The following CSMD1 variants were observed in gnomAD, a reference collection of about 807,000 sequenced individuals.
CSMD1 encodes the protein CUB and sushi domain-containing protein 1.
CSMD1 carries 213 observed loss-of-function variants against 417.5 expected under a neutral mutation model. That is an observed-to-expected ratio of 0.51 (90% CI 0.46 to 0.57). The LOEUF is 0.57. Among genes scored for constraint, CSMD1 ranks in the 20% least tolerant of loss-of-function variants. The probability of loss-of-function intolerance (pLI) is 0.00; values close to 1 mark genes in which losing one functional copy is unlikely to be tolerated. For missense variants in CSMD1, 6,923 were observed against 4,529.7 expected (o/e 1.53, Z -15.17); for synonymous variants, 2,862 against 1,736.8 (o/e 1.65, Z -16.11).
intron 68 of CSMD1, 96 bp downstream of exon 68, chr8:2,949,203 G>T: frequency 1.5e-6 from 1 of 675,870 alleles, no homozygotes; most frequent in South Asian, 1.8e-5. Flanking sequence ...TTTTGTTTAG[G>T]TTTCTTTTAG....
chr8:4,613,432 T>A (rs772666517), intron 2 of CSMD1, among the ~76,000 whole-genome samples: 1 of 152,160 alleles, frequency 6.6e-6, no homozygotes, highest in African/African-American at 2.4e-5. Context: ...TGAACTAGGT[T>A]AGTTGCCTCC....
chr8:3,880,402 A>G (rs1485085565), intron 5 of CSMD1, among the ~76,000 whole-genome samples: 2 of 152,214 alleles, frequency 1.3e-5, no homozygotes, highest in Non-Finnish European at 2.9e-5. Context: ...CTGCCTCATG[A>G]CCAAATTAGC....
At chr8:4,038,423 A>G (rs1172787077) in intron 3 of CSMD1, among the ~76,000 whole-genome samples, 1 of 152,200 alleles carries the variant, frequency 6.6e-6, no homozygotes, top group East Asian at 1.9e-4. Context: ...GATTCAAGAC[A>G]CACACAGACA....
chr8:4,117,951 G>A (rs5019951), intron 3 of CSMD1, among the ~76,000 whole-genome samples: 142,228 of 145,184 alleles, frequency 0.98, 69,669 homozygotes, highest in East Asian at 1. Flanking sequence ...AAGTCAATAG[G>A]AAAAAAAAAA....
intron 3 of CSMD1, among the ~76,000 whole-genome samples, chr8:4,066,891 G>A (rs551252392): frequency 3.0e-4 from 45 of 152,284 alleles, no homozygotes; most frequent in Non-Finnish European, 4.7e-4. Context: ...CAGAACAAAC[G>A]TAACTATAAC....
At chr8:3,583,887 A>C (rs112488560) in intron 9 of CSMD1, among the ~76,000 whole-genome samples, 31 of 151,780 alleles carry the variant, frequency 2.0e-4, no homozygotes, top group African/African-American at 7.0e-4. Flanking sequence ...CAACTGATGC[A>C]ACTAGATAGA....
chr8:4,342,096 T>A (rs989580240), intron 3 of CSMD1, among the ~76,000 whole-genome samples: 1 of 152,080 alleles, frequency 6.6e-6, no homozygotes, highest in Admixed American at 6.6e-5. Context: ...GCCATCTCTA[T>A]GTTTCCATGG....
chr8:4,320,110 T>C (rs1799183890), intron 3 of CSMD1, among the ~76,000 whole-genome samples: 1 of 152,318 alleles, frequency 6.6e-6, no homozygotes, highest in Non-Finnish European at 1.5e-5. Flanking sequence ...AATCCAACCC[T>C]TTGCAAGTAA....
intron 5 of CSMD1, among the ~76,000 whole-genome samples, chr8:3,853,894 CTTT>C (rs1563147042): frequency 5.6e-4 from 82 of 145,268 alleles, no homozygotes; most frequent in African/African-American, 1.9e-3. Context: ...ATATATTATA[CTTT>C]AATATATTAA....
chr8:3,006,844 A>G lies in CSMD1; in HGVS notation c.8030-6713T>C, dbSNP rs1807950070. Reference sequence around the variant, plus strand: ...CCTAGAAGAAAACCTAGGCATTACCATTCAGGACATAGGCATGGGCAAAGA... The same window carrying G: ...CCTAGAAGAAAACCTAGGCATTACCGTTCAGGACATAGGCATGGGCAAAGA... On this transcript the variant is annotated intron_variant, in intron 52 of 69. Coordinates refer to ENST00000635120, the MANE Select transcript of CSMD1 (RefSeq NM_033225.6). Among the ~76,000 whole-genome samples, 9 of 146,266 alleles carry G rather than the reference A, an allele frequency of 6.2e-5. No individual in the cohort carries two copies. In the South Asian group the frequency reaches 1.7e-3, roughly 27 times the overall value.
intron 3 of CSMD1, among the ~76,000 whole-genome samples, chr8:4,253,024 G>A (rs1453004051): frequency 2.0e-5 from 3 of 152,190 alleles, no homozygotes; most frequent in Non-Finnish European, 2.9e-5. Context: ...ACCAGCAGCT[G>A]AACAAAATTT....
intron 3 of CSMD1, among the ~76,000 whole-genome samples, chr8:4,051,762 G>T (rs549800425): frequency 1.3e-5 from 2 of 152,124 alleles, no homozygotes; most frequent in Non-Finnish European, 2.9e-5. Flanking sequence ...TGCTGGTTTT[G>T]GTAGGGCTCC....
chr8:3,314,465 C>T (rs529487241), intron 23 of CSMD1, among the ~76,000 whole-genome samples: 11 of 152,148 alleles, frequency 7.2e-5, no homozygotes, highest in Non-Finnish European at 1.5e-4. Flanking sequence ...GGCACAAATA[C>T]TGGTTCTGTA....
intron 5 of CSMD1, among the ~76,000 whole-genome samples, chr8:3,932,929 A>T (rs557719300): frequency 6.6e-6 from 1 of 150,430 alleles, no homozygotes; most frequent in South Asian, 2.1e-4. Context: ...AAAGTAACTA[A>T]ATCTTTTTTA....
chr8:3,156,433 T>C (rs1309595220), intron 39 of CSMD1, among the ~76,000 whole-genome samples: 1 of 152,142 alleles, frequency 6.6e-6, no homozygotes, highest in African/African-American at 2.4e-5. Flanking sequence ...GTATTGCAAG[T>C]CTCTGTCACC....
At chr8:4,214,373 C>G (rs1399906607) in intron 3 of CSMD1, among the ~76,000 whole-genome samples, 1 of 152,228 alleles carries the variant, frequency 6.6e-6, no homozygotes, top group Non-Finnish European at 1.5e-5. Flanking sequence ...TCTTGGCTCA[C>G]TGCAACCTCT....
At chr8:3,468,434 C>T (rs957546695) in intron 12 of CSMD1, among the ~76,000 whole-genome samples, 1 of 152,212 alleles carries the variant, frequency 6.6e-6, no homozygotes, top group Non-Finnish European at 1.5e-5. Flanking sequence ...AAGATCCCCA[C>T]ATATGCCCAC....
At chr8:4,283,053 G>T (rs751811200) in intron 3 of CSMD1, among the ~76,000 whole-genome samples, 2 of 152,042 alleles carry the variant, frequency 1.3e-5, no homozygotes, top group Non-Finnish European at 2.9e-5. Flanking sequence ...ATGCCTGATA[G>T]TTAGAAACAG....
At chr8:3,260,899 C>T (rs1384656966) in intron 26 of CSMD1, among the ~76,000 whole-genome samples, 1 of 152,112 alleles carries the variant, frequency 6.6e-6, no homozygotes, top group Non-Finnish European at 1.5e-5. Flanking sequence ...AGCCACGTAT[C>T]TGACAACAGA....
Sources: gnomAD v4.1 joint callset for allele counts (sites outside exome capture counted in the v4.1 genomes callset) on GRCh38, gnomAD v4.1.1 for gene constraint, MANE v1.5 for transcripts, NCBI Gene and HGNC (gene_info 2026-07-23, HGNC 2026-07-21) for gene names.